The following PXDN variants were observed in gnomAD, a reference collection of about 807,000 sequenced individuals.
PXDN encodes the protein peroxidasin homolog.
PXDN carries 77 observed loss-of-function variants against 140.3 expected under a neutral mutation model. The ratio of observed to expected loss-of-function variants is 0.55; its 90% CI spans 0.46 to 0.66. The LOEUF (loss-of-function observed/expected upper bound fraction) is 0.66. Ranked by LOEUF, PXDN falls within the 30% of genes least tolerant of loss-of-function variation. The pLI, the probability that PXDN is intolerant of heterozygous loss-of-function variation, is 0.00. For missense variants in PXDN, 1,838 were observed against 2,039.5 expected (o/e 0.90, Z 1.90); for synonymous variants, 911 against 857.4 (o/e 1.06, Z -1.09).
At position 1,651,506 on chromosome 2, in the gene PXDN, C is replaced by T. The variant is rs911512702; in HGVS notation, c.2105-1831G>A. Among the ~76,000 whole-genome samples, 44 of 152,342 alleles carry T rather than the reference C, an allele frequency of 2.9e-4. No homozygotes were observed. Among genetic ancestry groups the T allele is most frequent in the African/African-American group, 1.0e-3 (43 of 41,574 alleles). ...AGGTTCCCATTTCATACACAGCCAA[C>T]GACATATCCTTATATTCGCTCCCAG... On this transcript the variant is annotated intron_variant, in intron 16 of 22. Transcript: ENST00000252804. The surrounding 1 kb of genome is among the most constrained non-coding windows in gnomAD (Gnocchi z 4.4).
intron 19 of PXDN, among the ~76,000 whole-genome samples, chr2:1,642,870 T>C (rs566474748): frequency 3.7e-4 from 56 of 152,334 alleles, no homozygotes; most frequent in African/African-American, 1.3e-3. Flanking sequence ...CCCGCGCCAA[T>C]CATGAGACCA....
intron 6 of PXDN, among the ~76,000 whole-genome samples, chr2:1,681,847 G>A (rs990103999): frequency 2.0e-5 from 3 of 152,180 alleles, no homozygotes; most frequent in Non-Finnish European, 4.4e-5. Context: ...CTGGTGGAGC[G>A]AGCTGCTCAG....
intron 7 of PXDN, 91 bp from the exon 8 acceptor site, chr2:1,677,135 G>C: frequency 1.7e-6 from 2 of 1,179,230 alleles, no homozygotes; most frequent in Non-Finnish European, 2.4e-6. Flanking sequence ...GTGTCCAAAA[G>C]GAAACCACAG....
At chr2:1,728,587 C>A (rs892713373) in intron 1 of PXDN, among the ~76,000 whole-genome samples, 3 of 152,166 alleles carry the variant, frequency 2.0e-5, no homozygotes, top group South Asian at 2.1e-4. Context: ...TAAACAGGGT[C>A]TTTTTCAAGG....
intron 16 of PXDN, among the ~76,000 whole-genome samples, chr2:1,652,144 C>T (rs529769156): frequency 6.6e-6 from 1 of 152,308 alleles, no homozygotes; most frequent in African/African-American, 2.4e-5. Flanking sequence ...TGCAATTCCT[C>T]ACAAGGAACA....
intron 17 of PXDN, among the ~76,000 whole-genome samples, chr2:1,646,502 G>A (rs1273426201): frequency 6.6e-6 from 1 of 152,104 alleles, no homozygotes; most frequent in African/African-American, 2.4e-5. Context: ...AAATTACACT[G>A]GATTAACGGA....
At chr2:1,659,413 A>G (rs968104382) in intron 14 of PXDN, among the ~76,000 whole-genome samples, 1 of 152,240 alleles carries the variant, frequency 6.6e-6, no homozygotes, top group African/African-American at 2.4e-5. Context: ...TGAGACATAC[A>G]ATTTTATATA....
At chr2:1,706,142 G>A (rs1427212655) in intron 1 of PXDN, among the ~76,000 whole-genome samples, 2 of 152,154 alleles carry the variant, frequency 1.3e-5, no homozygotes, top group Admixed American at 6.5e-5. Context: ...CCCAGAGACC[G>A]TCCCAGCGTC....
At chr2:1,665,102 G>T in intron 10 of PXDN, 28 bp from the exon 11 acceptor site, 1 of 1,523,286 alleles carries the variant, frequency 6.6e-7, no homozygotes, top group Non-Finnish European at 9.0e-7. Flanking sequence ...TTCAAAACAG[G>T]ACATGTAAAA....
intron 1 of PXDN, among the ~76,000 whole-genome samples, chr2:1,721,756 G>A (rs1408876709): frequency 2.6e-5 from 4 of 152,150 alleles, no homozygotes; most frequent in African/African-American, 9.7e-5. Flanking sequence ...GAACCCAGGA[G>A]GTGGAGCTTG....
chr2:1,709,052 C>G (rs1406332551), intron 1 of PXDN, among the ~76,000 whole-genome samples: 1 of 152,224 alleles, frequency 6.6e-6, no homozygotes, highest in Non-Finnish European at 1.5e-5. Context: ...GGTGGCCGGT[C>G]TTCCCCACGG....
At chr2:1,680,618 G>A (rs1383000221) in intron 6 of PXDN, among the ~76,000 whole-genome samples, 1 of 152,210 alleles carries the variant, frequency 6.6e-6, no homozygotes, top group Non-Finnish European at 1.5e-5. Context: ...GTAGAGGCGT[G>A]AGTAGCATAG....
chr2:1,677,421 C>T lies in PXDN; in HGVS notation c.731-377G>A, dbSNP rs114983987. On this transcript the variant is annotated intron_variant, in intron 7 of 22. Transcript: ENST00000252804. The stretch of plus-strand genomic sequence containing the variant: ...ACTGAAGAAAAGACAAAAAATAGTA[C>T]TCTGTAGCTAAAGCGTCCCTGAAAG... Among the ~76,000 whole-genome samples, 1,387 of 152,352 alleles carry T rather than the reference C, an allele frequency of 9.1e-3. 8 individuals carry two copies. The highest frequency in any genetic ancestry group is 0.016 in the Non-Finnish European group (1,068 of 68,034).
intron 1 of PXDN, among the ~76,000 whole-genome samples, chr2:1,703,168 T>G (rs1392540762): frequency 1.2e-3 from 47 of 37,706 alleles, no homozygotes; most frequent in African/African-American, 5.9e-3. Flanking sequence ...GAGGGACAAC[T>G]CCAGGTGAAG....
At chr2:1,691,429 G>A (rs186824350) in intron 3 of PXDN, among the ~76,000 whole-genome samples, 2 of 152,302 alleles carry the variant, frequency 1.3e-5, no homozygotes, top group East Asian at 3.9e-4. Context: ...AAATTTAACT[G>A]CACAAAAGTA....
In PXDN at chr2:1,670,774, C is replaced by A. The variant is rs182402088; in HGVS notation, c.1018+2869G>T. Among the ~76,000 whole-genome samples, 440 of 152,300 alleles carry A rather than the reference C, an allele frequency of 2.9e-3. 6 individuals carry two copies. Among genetic ancestry groups the A allele is most frequent in the African/African-American group, 0.01 (422 of 41,570 alleles). On this transcript the variant is annotated intron_variant, in intron 9 of 22. Transcript: ENST00000252804. ...ACACAGGCCCATGAAGAGAAGTCCA[C>A]CAGAAAACTGAACAGCAGCTGCATC... is the stretch of plus-strand genomic sequence containing the variant.
intron 1 of PXDN, among the ~76,000 whole-genome samples, chr2:1,705,378 ATGCAGGG>A (rs1338754471): frequency 1.3e-5 from 2 of 152,136 alleles, no homozygotes; most frequent in African/African-American, 2.4e-5. Context: ...ACGACCTGGG[ATGCAGGG>A]TGCAGGGTGC....
chr2:1,708,456 C>T (rs1260489493), intron 1 of PXDN, among the ~76,000 whole-genome samples: 12 of 152,280 alleles, frequency 7.9e-5, no homozygotes, highest in Non-Finnish European at 2.9e-5. Context: ...CTCCGCCCTT[C>T]GCAGGAAGCC....
Position 1,685,552 on chromosome 2 carries a change from T to G in PXDN, c.417-1401A>C, listed in dbSNP as rs1306228930. Among the ~76,000 whole-genome samples, 1 of 151,688 alleles carries G rather than the reference T, an allele frequency of 6.6e-6. No individual in the cohort carries two copies. The highest frequency in any genetic ancestry group is 2.4e-5 in the African/African-American group (1 of 41,244). The stretch of plus-strand genomic sequence containing the variant: ...TGTGAGCTGCTCAGCGAGGCTTCAG[T>G]GCAGGCAGGCAGGGGTGGAGTCCCC... On this transcript the variant is annotated intron_variant, in intron 4 of 22. Coordinates refer to ENST00000252804, the MANE Select transcript of PXDN (RefSeq NM_012293.3). The surrounding 1 kb of genome is among the most constrained non-coding windows in gnomAD (Gnocchi z 5.1).
Sources: gnomAD v4.1 joint callset for allele counts (sites outside exome capture counted in the v4.1 genomes callset) on GRCh38, gnomAD v4.1.1 for gene constraint, Gnocchi (gnomAD v3.1) non-coding constraint, MANE v1.5 for transcripts, NCBI Gene and HGNC (gene_info 2026-07-23, HGNC 2026-07-21) for gene names.